Variants in ENTREP2 observed in about 807,000 individuals in gnomAD.
ENTREP2 encodes the protein protein ENTREP2.
At chr15:29,402,918 T>C in the ENTREP2 span, among the ~76,000 whole-genome samples, 13,928 of 152,186 alleles carry the variant, frequency 0.092, 901 homozygotes, top group East Asian at 0.31. Context: ...TGCCAGTGGG[T>C]ACTAACTCCC....
At chr15:29,328,971 A>G in the ENTREP2 span, among the ~76,000 whole-genome samples, 1 of 152,320 alleles carries the variant, frequency 6.6e-6, no homozygotes, top group Non-Finnish European at 1.5e-5. Context: ...GATAATGCTG[A>G]ACCCTATGTA....
the ENTREP2 span, among the ~76,000 whole-genome samples, chr15:29,149,869 G>C: frequency 6.6e-6 from 1 of 152,308 alleles, no homozygotes; most frequent in Middle Eastern, 3.4e-3. Context: ...AGGATGTGCT[G>C]GCAGGAAGCC....
chr15:29,667,278 C>T, the ENTREP2 span, among the ~76,000 whole-genome samples: 1 of 151,596 alleles, frequency 6.6e-6, no homozygotes, highest in Admixed American at 6.6e-5. Flanking sequence ...AGCTCTGCCT[C>T]CCGGGTTCAT....
chr15:29,595,529 A>G, the ENTREP2 span, among the ~76,000 whole-genome samples: 8 of 152,194 alleles, frequency 5.3e-5, no homozygotes, highest in Admixed American at 2.6e-4. Context: ...TCCACAGTAT[A>G]ATTAGTTGTC....
At chr15:29,666,985 T>C in the ENTREP2 span, among the ~76,000 whole-genome samples, 1 of 152,154 alleles carries the variant, frequency 6.6e-6, no homozygotes, top group African/African-American at 2.4e-5. Flanking sequence ...TTCCAATCTC[T>C]GCCTCCATTG....
At chr15:29,297,252 AAAGAG>A in the ENTREP2 span, among the ~76,000 whole-genome samples, 49 of 152,186 alleles carry the variant, frequency 3.2e-4, no homozygotes, top group Non-Finnish European at 1.0e-4. Flanking sequence ...CAAAATGACC[AAAGAG>A]ACACTGACAA....
the ENTREP2 span, among the ~76,000 whole-genome samples, chr15:29,674,128 T>TG: frequency 0.078 from 3,582 of 45,972 alleles, 396 homozygotes; most frequent in East Asian, 0.25. Flanking sequence ...CTGCAGAGGA[T>TG]GGGGGGGGGG....
chr15:29,173,225 T>C, the ENTREP2 span, among the ~76,000 whole-genome samples: 8,882 of 152,274 alleles, frequency 0.058, 894 homozygotes, highest in African/African-American at 0.2. Flanking sequence ...AGGAGGGTGC[T>C]GTAAGCTGGG....
At chr15:29,262,984 T>C in the ENTREP2 span, among the ~76,000 whole-genome samples, 2 of 152,212 alleles carry the variant, frequency 1.3e-5, no homozygotes, top group African/African-American at 4.8e-5. Flanking sequence ...TGATGATTGT[T>C]GTGGTGTGAG....
chr15:29,215,350 T>C, the ENTREP2 span, among the ~76,000 whole-genome samples: 10,148 of 152,064 alleles, frequency 0.067, 1,173 homozygotes, highest in African/African-American at 0.23. Flanking sequence ...AATCAGCTGC[T>C]AGTGCAGATA....
chr15:29,268,836 C>T, the ENTREP2 span: 1 of 1,613,996 alleles, frequency 6.2e-7, no homozygotes, highest in Non-Finnish European at 8.5e-7. Context: ...TGGCCCTGTT[C>T]TCCTCATCTG....
At chr15:29,151,573 G>A in the ENTREP2 span, among the ~76,000 whole-genome samples, 3 of 152,212 alleles carry the variant, frequency 2.0e-5, no homozygotes, top group African/African-American at 4.8e-5. Flanking sequence ...GCGGCGCCAC[G>A]TGTGCAGATG....
chr15:29,638,837 T>C, the ENTREP2 span, among the ~76,000 whole-genome samples: 1 of 152,260 alleles, frequency 6.6e-6, no homozygotes, highest in East Asian at 1.9e-4. Context: ...TCCACTAAGA[T>C]TGCCTTGTCG....
the ENTREP2 span, among the ~76,000 whole-genome samples, chr15:29,657,491 G>C: frequency 2.2e-5 from 3 of 135,998 alleles, no homozygotes; most frequent in East Asian, 2.4e-4. Flanking sequence ...GGCGGGGGGG[G>C]GGGGTGGCCA....
chr15:29,182,376 C>T, the ENTREP2 span, among the ~76,000 whole-genome samples: 7 of 151,974 alleles, frequency 4.6e-5, no homozygotes, highest in East Asian at 1.9e-4. Context: ...CCGCCTGCCT[C>T]GGCCTCCGAA....
chr15:29,611,543 T>C, the ENTREP2 span, among the ~76,000 whole-genome samples: 1 of 152,118 alleles, frequency 6.6e-6, no homozygotes, highest in Non-Finnish European at 1.5e-5. Context: ...CTCAAGCTTC[T>C]CTACTGCTTC....
At chr15:29,382,324 C>T in the ENTREP2 span, among the ~76,000 whole-genome samples, 6 of 152,002 alleles carry the variant, frequency 3.9e-5, no homozygotes, top group South Asian at 2.1e-4. Flanking sequence ...ACCCCACCCA[C>T]GGGCCACCTG....
chr15:29,179,462 G>C, the ENTREP2 span, among the ~76,000 whole-genome samples: 1 of 152,222 alleles, frequency 6.6e-6, no homozygotes, highest in Non-Finnish European at 1.5e-5. Flanking sequence ...CTCTGAGTGG[G>C]ATGGCTGAAG....
At chr15:29,599,432 T>C in the ENTREP2 span, among the ~76,000 whole-genome samples, 1 of 152,200 alleles carries the variant, frequency 6.6e-6, no homozygotes, top group Non-Finnish European at 1.5e-5. Context: ...GGGCTGGTGG[T>C]TGAGGTTTTC....
Sources: allele counts gnomAD v4.1 joint callset (sites outside exome capture counted in the v4.1 genomes callset), GRCh38; gene constraint gnomAD v4.1.1; transcripts MANE v1.5; gene names NCBI Gene and HGNC (gene_info 2026-07-23, HGNC 2026-07-21).